The following ZNF407 variants were observed in gnomAD, a reference collection of about 807,000 sequenced individuals.
ZNF407 encodes zinc finger protein 407.
ZNF407 carries 17 observed loss-of-function variants against 131.2 expected under a neutral mutation model. The observed-to-expected ratio is 0.13, with a 90% CI of 0.09 to 0.19. The LOEUF (loss-of-function observed/expected upper bound fraction) is 0.19, where lower values mean the gene tolerates loss of function less well. Ranked by LOEUF, ZNF407 falls within the 10% of genes least tolerant of loss-of-function variation. The probability of loss-of-function intolerance (pLI) is 1.00; values close to 1 mark genes in which losing one functional copy is unlikely to be tolerated. For missense variants in ZNF407, 2,681 were observed against 2,830.6 expected, an observed-to-expected ratio of 0.95 and a Z score of 1.20; for synonymous variants, 1,156 against 1,062.0, an observed-to-expected ratio of 1.09 and a Z score of -1.72.
At chr18:74,775,714 G>C (rs779622795) in intron 3 of ZNF407, among the ~76,000 whole-genome samples, 1 of 152,168 alleles carries the variant, frequency 6.6e-6, no homozygotes, top group Non-Finnish European at 1.5e-5. Context: ...AATTTATAAA[G>C]AAAGGAGGTT....
chr18:74,864,524 A>C (rs986218514), intron 4 of ZNF407, among the ~76,000 whole-genome samples: 4 of 152,276 alleles, frequency 2.6e-5, no homozygotes, highest in Middle Eastern at 3.4e-3. Context: ...TTATCAGAAC[A>C]CTTCTCTTCA....
chr18:74,615,956 C>T (rs867847843), intron 1 of ZNF407, among the ~76,000 whole-genome samples: 101 of 151,944 alleles, frequency 6.6e-4, no homozygotes, highest in Non-Finnish European at 2.4e-4. Flanking sequence ...TTCCGCCTCC[C>T]GGGTTCAAGT....
chr18:74,915,623 AGTGT>A (rs779606527), intron 7 of ZNF407, among the ~76,000 whole-genome samples: 24 of 63,500 alleles, frequency 3.8e-4, no homozygotes, highest in African/African-American at 1.6e-3. Flanking sequence ...TCGAATCGGG[AGTGT>A]GTGTGTGTGT....
intron 3 of ZNF407, among the ~76,000 whole-genome samples, chr18:74,685,418 T>C (rs189131374): frequency 6.6e-6 from 1 of 152,208 alleles, no homozygotes; most frequent in Non-Finnish European, 1.5e-5. Flanking sequence ...ATTACTGATA[T>C]AGGTCTCCTG....
At chr18:74,927,301 A>G (rs556980117) in intron 8 of ZNF407, among the ~76,000 whole-genome samples, 93 of 152,370 alleles carry the variant, frequency 6.1e-4, no homozygotes, top group Middle Eastern at 6.8e-3. Context: ...ACCCTGCTGT[A>G]CAGGAGCTTT....
At chr18:75,001,364 C>T (rs1266361686) in intron 8 of ZNF407, among the ~76,000 whole-genome samples, 1 of 152,090 alleles carries the variant, frequency 6.6e-6, no homozygotes, top group African/African-American at 2.4e-5. Context: ...TTATTTTGAG[C>T]CAGAAAGTTA....
At chr18:74,769,263 C>T (rs906744940) in intron 3 of ZNF407, among the ~76,000 whole-genome samples, 1 of 152,188 alleles carries the variant, frequency 6.6e-6, no homozygotes, top group Non-Finnish European at 1.5e-5. Context: ...CCAAGCACAT[C>T]TGTGTGTGTA....
chr18:74,861,063 T>G (rs1242049189), intron 4 of ZNF407, among the ~76,000 whole-genome samples: 5 of 152,150 alleles, frequency 3.3e-5, no homozygotes, highest in Non-Finnish European at 7.3e-5. Flanking sequence ...CCGCCTCTTT[T>G]TATATGGCCT....
chr18:74,975,985 T>C (rs1292213836), intron 8 of ZNF407, among the ~76,000 whole-genome samples: 2 of 152,232 alleles, frequency 1.3e-5, no homozygotes, highest in Non-Finnish European at 2.9e-5. Flanking sequence ...GAGTTTTCTT[T>C]TTTTATTTAT....
chr18:74,995,421 G>A (rs1972769169), intron 8 of ZNF407, among the ~76,000 whole-genome samples: 1 of 152,132 alleles, frequency 6.6e-6, no homozygotes, highest in East Asian at 1.9e-4. Flanking sequence ...TGCAGTGTGG[G>A]TGGACCAGTT....
At chr18:74,937,289 G>A (rs556248015) in intron 8 of ZNF407, among the ~76,000 whole-genome samples, 1 of 152,158 alleles carries the variant, frequency 6.6e-6, no homozygotes, top group Admixed American at 6.5e-5. Context: ...CTATTTGCCA[G>A]ATATGAGGCT....
chr18:74,894,736 A>G (rs1239976232), intron 7 of ZNF407, among the ~76,000 whole-genome samples: 1 of 152,198 alleles, frequency 6.6e-6, no homozygotes, highest in Non-Finnish European at 1.5e-5. Context: ...TAGTATAAAA[A>G]TATTAAGGAT....
chr18:74,607,726 TA>T (rs141226953), intron 1 of ZNF407, among the ~76,000 whole-genome samples: 22,641 of 152,204 alleles, frequency 0.15, 2,004 homozygotes, highest in African/African-American at 0.23. Context: ...TGTACTTAAA[TA>T]ATCCCTTCTT....
intron 7 of ZNF407, among the ~76,000 whole-genome samples, chr18:74,900,526 C>T (rs558112256): frequency 6.6e-6 from 1 of 152,324 alleles, no homozygotes; most frequent in African/African-American, 2.4e-5. Flanking sequence ...TAACAAGCTG[C>T]TTGCTGCTAG....
At chr18:74,710,215 A>T (rs772451583) in intron 3 of ZNF407, among the ~76,000 whole-genome samples, 19 of 152,216 alleles carry the variant, frequency 1.2e-4, no homozygotes, top group Non-Finnish European at 2.2e-4. Context: ...AATTGATTTG[A>T]CTAATCCTGC....
intron 4 of ZNF407, among the ~76,000 whole-genome samples, chr18:74,844,690 C>T (rs961907099): frequency 6.6e-6 from 1 of 151,892 alleles, no homozygotes; most frequent in Admixed American, 6.6e-5. Flanking sequence ...GTAAAAATTA[C>T]CCATGCAGAA....
intron 8 of ZNF407, among the ~76,000 whole-genome samples, chr18:74,942,365 A>G (rs1024555215): frequency 2.0e-5 from 3 of 151,990 alleles, no homozygotes; most frequent in Admixed American, 6.6e-5. Context: ...TTTGTTTTCT[A>G]TCTGAGCTAA....
intron 7 of ZNF407, among the ~76,000 whole-genome samples, chr18:74,901,173 G>A (rs534418947): frequency 3.7e-4 from 56 of 152,234 alleles, no homozygotes; most frequent in African/African-American, 1.1e-3. Flanking sequence ...TGGCCCCACC[G>A]GTTGATGGAT....
intron 2 of ZNF407, among the ~76,000 whole-genome samples, chr18:74,640,029 A>G (rs1214273148): frequency 2.0e-5 from 3 of 152,178 alleles, no homozygotes; most frequent in African/African-American, 7.2e-5. Flanking sequence ...TCACCATGTA[A>G]GTACTGAATA....
Sources: allele counts gnomAD v4.1 joint callset (sites outside exome capture counted in the v4.1 genomes callset), GRCh38; gene constraint gnomAD v4.1.1; transcripts MANE v1.5; gene names NCBI Gene and HGNC (gene_info 2026-07-23, HGNC 2026-07-21).